Variants in OR2A25 observed in about 807,000 individuals in gnomAD.
The protein encoded by OR2A25 is olfactory receptor 2A25.
For synonymous variants in OR2A25, 162 were observed against 148.1 expected, an observed-to-expected ratio of 1.09 and a Z score of -0.68; for missense variants, 362 against 368.3, an observed-to-expected ratio of 0.98 and a Z score of 0.14.
Position 144,074,441 on chromosome 7 carries a change from C to A in OR2A25, c.222C>A (p.Cys74Ter). Residue 74 changes from cysteine (C) to a stop codon, truncating the protein, a stop_gained, in exon 2 of 2, where the codon TGC (cysteine) becomes TGA (stop). Transcript: ENST00000641663. LOFTEE classifies it low-confidence loss of function (END_TRUNC). ...HLAVVDIACA[C>*]STVPQMLVNL... is the part of the protein sequence containing the mutation. Reference sequence around the variant, plus strand: ...CGGTCGTCGACATCGCCTGTGCTTGCAGCACGGTGCCCCAGATGCTGGTGA... The same window carrying A: ...CGGTCGTCGACATCGCCTGTGCTTGAAGCACGGTGCCCCAGATGCTGGTGA... 1 of 1,614,234 alleles carries A rather than the reference C, an allele frequency of 6.2e-7. No individual in the cohort carries two copies. The highest frequency in any genetic ancestry group is 8.5e-7 in the Non-Finnish European group (1 of 1,180,052).
chr7:144,072,311 C>T (rs994638699), intron 1 of OR2A25, among the ~76,000 whole-genome samples: 1 of 151,438 alleles, frequency 6.6e-6, no homozygotes. Context: ...CTCAGTATAC[C>T]CTCTTGGCTT....
At chr7:144,071,620 T>C (rs2051067844) in intron 1 of OR2A25, among the ~76,000 whole-genome samples, 1 of 152,156 alleles carries the variant, frequency 6.6e-6, no homozygotes, top group African/African-American at 2.4e-5. Flanking sequence ...AGTACAGTCT[T>C]ATATGCCCTC....
chr7:144,074,826 G>A lies in OR2A25; in HGVS notation c.607G>A (p.Val203Met). The A allele has an allele frequency of 2.5e-6, 4 of 1,614,216 alleles. No homozygotes were observed. The highest frequency in any genetic ancestry group is 3.4e-6 in the Non-Finnish European group (4 of 1,180,034). The change falls in exon 2 of 2, where the codon GTG becomes ATG. Residue 203 changes from valine (V) to methionine (M), a missense_variant. Transcript: ENST00000641663. ...TGAGGTAATGGTTTTGGCAGGGGCAGTGTCTGTGCTGGTGGGAGCCTTCTT... is the reference window on the plus strand; with the variant it reads ...TGAGGTAATGGTTTTGGCAGGGGCAATGTCTGTGCTGGTGGGAGCCTTCTT... ...INEVMVLAGAVSVLVGAFFST... is the reference protein window; with the variant it reads ...INEVMVLAGAMSVLVGAFFST...
chr7:144,070,176 G>A (rs1456705579), intron 1 of OR2A25: 1 of 152,096 alleles, frequency 6.6e-6, no homozygotes, highest in Admixed American at 6.6e-5. Context: ...CACTTTCATA[G>A]CATACTGAGG....
intron 1 of OR2A25, among the ~76,000 whole-genome samples, chr7:144,073,328 G>A (rs1229386095): frequency 2.0e-5 from 3 of 151,794 alleles, no homozygotes; most frequent in African/African-American, 7.3e-5. Context: ...AATTAAATGA[G>A]TATATTAAAT....
intron 1 of OR2A25, among the ~76,000 whole-genome samples, chr7:144,072,304 A>G (rs1339659150): frequency 6.6e-6 from 1 of 152,072 alleles, no homozygotes; most frequent in Admixed American, 6.6e-5. Context: ...TTCAAACCTC[A>G]GTATACCCTC....
rs759903846 is a variant in OR2A25 at position 144,074,750 on chromosome 7, C to T, written c.531C>T (p.Phe177=). 1.2e-6 allele frequency: 2 copies of T among 1,614,164 alleles called. No individual in the cohort carries two copies. Among genetic ancestry groups the T allele is most frequent in the Non-Finnish European group, 1.7e-6 (2 of 1,180,034 alleles). The change falls in exon 2 of 2, where the codon TTC becomes TTT. Residue 177 remains phenylalanine (F), a synonymous_variant. Transcript: ENST00000641663. ...FCGPQKLNHF[F]CEIMAVLKLA... is the part of the protein sequence containing the mutation. ...GACCCCAGAAACTTAATCACTTTTT[C>T]TGTGAAATTATGGCTGTTCTCAAAC...
intron 1 of OR2A25, among the ~76,000 whole-genome samples, chr7:144,072,354 A>C (rs1428280284): frequency 2.0e-5 from 3 of 151,962 alleles, no homozygotes; most frequent in African/African-American, 7.2e-5. Context: ...ATAGGCCACA[A>C]AAAAAAACTA....
At chr7:144,071,145 G>T (rs916245087) in intron 1 of OR2A25, among the ~76,000 whole-genome samples, 1 of 142,050 alleles carries the variant, frequency 7.0e-6, no homozygotes, top group Non-Finnish European at 1.5e-5. Flanking sequence ...ACCCATTAAT[G>T]ATCCCCACCT....
At position 144,074,989 on chromosome 7, in the gene OR2A25, T is replaced by C; in HGVS notation, c.770T>C (p.Met257Thr). Residue 257 changes from methionine (M) to threonine (T), a missense_variant, in exon 2 of 2, where the codon ATG becomes ACG. Transcript: ENST00000641663. Reference sequence around the variant, plus strand: ...CTCTTTTATGGCACAGCCATCATCATGTATGTTGAGCCCCAGTATGAGAGC... The same window carrying C: ...CTCTTTTATGGCACAGCCATCATCACGTATGTTGAGCCCCAGTATGAGAGC... ...VGLFYGTAII[M>T]YVEPQYESPK... 1.2e-6 allele frequency: 2 copies of C among 1,614,134 alleles called. No homozygotes were observed. Among genetic ancestry groups the C allele is most frequent in the Non-Finnish European group, 1.7e-6 (2 of 1,180,018 alleles).
chr7:144,070,022 A>G (rs1425359534), intron 1 of OR2A25, 126 bp downstream of exon 1: 1 of 152,134 alleles, frequency 6.6e-6, no homozygotes, highest in Non-Finnish European at 1.5e-5. Context: ...TCCTACACTG[A>G]CTGAAGAAAG....
chr7:144,070,584 G>A (rs547454187), intron 1 of OR2A25, among the ~76,000 whole-genome samples: 6 of 151,296 alleles, frequency 4.0e-5, no homozygotes, highest in Non-Finnish European at 7.4e-5. Context: ...TGATGCTTTT[G>A]GTGTTGAATT....
At position 144,074,539 on chromosome 7, in the gene OR2A25, C is replaced by T. The variant is rs746732469; in HGVS notation, c.320C>T (p.Ala107Val). 1.6e-5 allele frequency: 26 copies of T among 1,614,096 alleles called. No homozygotes were observed. The highest frequency in any genetic ancestry group is 2.0e-5 in the Non-Finnish European group (24 of 1,180,060). The change falls in exon 2 of 2, where the codon GCA (alanine) becomes GTA (valine). Residue 107 changes from alanine to valine, a missense_variant. Physicochemically the swap from Ala to Val is moderately conservative, Grantham distance 64 (BLOSUM62 0). Coordinates refer to ENST00000641663, the MANE Select transcript of OR2A25 (RefSeq NM_001386096.1). ...CAGATGTTTCTGTTTTTGAGTTTTG[C>T]ACATACAGAATGTCTCCTCCTGGTG... ...MTQMFLFLSF[A>V]HTECLLLVVM... is the part of the protein sequence containing the mutation.
chr7:144,072,174 T>C (rs1229052824), intron 1 of OR2A25, among the ~76,000 whole-genome samples: 1 of 152,056 alleles, frequency 6.6e-6, no homozygotes, highest in African/African-American at 2.4e-5. Context: ...AACTCATTGA[T>C]AGGAACTCAA....
Position 144,074,285 on chromosome 7 carries a change from T to C in OR2A25, c.66T>C (p.Ile22=). The change falls in exon 2 of 2, where the codon ATT becomes ATC. Residue 22 remains isoleucine (I), a synonymous_variant. Coordinates refer to ENST00000641663, the MANE Select transcript of OR2A25 (RefSeq NM_001386096.1). ...TGGGATTTCCCATTGGCCCAAGGATTCAGATGCTCCTCTTTGGGCTCTTCT... is the reference window on the plus strand; with the variant it reads ...TGGGATTTCCCATTGGCCCAAGGATCCAGATGCTCCTCTTTGGGCTCTTCT... ...LLLGFPIGPR[I]QMLLFGLFSL... is the part of the protein sequence containing the mutation. 1 of 1,614,032 alleles carries C rather than the reference T, an allele frequency of 6.2e-7. No homozygotes were observed. The highest frequency in any genetic ancestry group is 8.5e-7 in the Non-Finnish European group (1 of 1,179,886).
chr7:144,069,984 T>C (rs186760386), intron 1 of OR2A25, 88 bp downstream of exon 1: 12 of 152,258 alleles, frequency 7.9e-5, no homozygotes, highest in African/African-American at 2.2e-4. Context: ...GAAGTAATTG[T>C]ATTCCTGCTT....
At position 144,075,702 on chromosome 7, in the gene OR2A25, G is replaced by C. The variant is rs2051108349; in HGVS notation, c.*550G>C. 1 of 151,944 alleles carries C rather than the reference G, an allele frequency of 6.6e-6. No homozygotes were observed. The highest frequency in any genetic ancestry group is 2.4e-5 in the African/African-American group (1 of 41,218). 9.4% of individuals were successfully genotyped at this position (151,944 alleles called of 1,614,324 possible). A position where few individuals can be genotyped will look rare whatever the true frequency, so the allele number is the denominator to read the frequency against. On this transcript the variant is annotated 3_prime_UTR_variant, in exon 2 of 2. Coordinates refer to ENST00000641663, the MANE Select transcript of OR2A25 (RefSeq NM_001386096.1). Reference sequence around the variant, plus strand: ...AAATTAGCCGGGCGTGTTGGCGGGCGCCTGTAGTCCCAGCTACTCGGGAGG... The same window carrying C: ...AAATTAGCCGGGCGTGTTGGCGGGCCCCTGTAGTCCCAGCTACTCGGGAGG...
Position 144,075,564 on chromosome 7 carries a change from T to TA in OR2A25, c.*412_*413insA. ...GAACGTGCCGGCCAGACACGGTGGCTCACGCCTGTAATCCCAGCACTTTGG... is the reference window on the plus strand; with the variant it reads ...GAACGTGCCGGCCAGACACGGTGGCTACACGCCTGTAATCCCAGCACTTTGG... On this transcript the variant is annotated 3_prime_UTR_variant, in exon 2 of 2. Transcript: ENST00000641663. The TA allele has an allele frequency of 6.4e-6, 1 of 156,706 alleles. No homozygotes were observed. The highest frequency in any genetic ancestry group is 6.2e-5 in the Admixed American group (1 of 16,004). 9.7% of individuals were successfully genotyped at this position (156,706 alleles called of 1,614,324 possible).
intron 1 of OR2A25, among the ~76,000 whole-genome samples, chr7:144,070,850 G>A (rs925036272): frequency 6.6e-6 from 1 of 151,852 alleles, no homozygotes; most frequent in African/African-American, 2.4e-5. Flanking sequence ...TACATAGTAG[G>A]TGTATATATT....
Sources: gnomAD v4.1 joint callset for allele counts (sites outside exome capture counted in the v4.1 genomes callset) on GRCh38, gnomAD v4.1.1 for gene constraint, MANE v1.5 for transcripts, NCBI Gene and HGNC (gene_info 2026-07-23, HGNC 2026-07-21) for gene names.